ANKS1A: variants seen among roughly 807,000 people sequenced by gnomAD.
ANKS1A encodes the protein ankyrin repeat and sterile alpha motif domain containing 1A.
Under a neutral mutation model 120.3 loss-of-function variants are expected in ANKS1A, and 55 were observed. That is an observed-to-expected ratio of 0.46 (90% confidence interval 0.37 to 0.57). The LOEUF is 0.57. Among genes scored for constraint, ANKS1A ranks in the 20% least tolerant of loss-of-function variants. ANKS1A has a pLI of 0.00. For synonymous variants in ANKS1A, 590 were observed against 604.7 expected (o/e 0.98, Z 0.36); for missense variants, 1,123 against 1,480.3 (o/e 0.76, Z 3.96).
chr6:35,033,156 T>G (rs1330529528), intron 11 of ANKS1A, among the ~76,000 whole-genome samples: 2 of 152,250 alleles, frequency 1.3e-5, no homozygotes, highest in African/African-American at 4.8e-5. Flanking sequence ...AGAAATAGTT[T>G]GGACAGTTCT....
chr6:34,895,845 G>C (rs11963323), intron 1 of ANKS1A, among the ~76,000 whole-genome samples: 2 of 114,610 alleles, frequency 1.7e-5, no homozygotes, highest in East Asian at 7.4e-4. Flanking sequence ...GCTGGAGTGC[G>C]ATGGCACGAT....
chr6:34,930,724 A>G (rs988280203), intron 1 of ANKS1A, among the ~76,000 whole-genome samples: 4 of 152,014 alleles, frequency 2.6e-5, no homozygotes, highest in African/African-American at 9.7e-5. Flanking sequence ...GGAACGTTAT[A>G]TCTCCTAAGA....
At chr6:34,893,995 A>G (rs1766949550) in intron 1 of ANKS1A, among the ~76,000 whole-genome samples, 1 of 152,242 alleles carries the variant, frequency 6.6e-6, no homozygotes, top group East Asian at 1.9e-4. Flanking sequence ...GATAAGCAAT[A>G]GATTATCTAG....
At chr6:35,081,453 C>A (rs909163913) in intron 17 of ANKS1A, among the ~76,000 whole-genome samples, 1 of 152,204 alleles carries the variant, frequency 6.6e-6, no homozygotes, top group Non-Finnish European at 1.5e-5. Flanking sequence ...CGCTCTTTCT[C>A]TGTGGCCTCT....
At chr6:34,959,148 G>A (rs916605623) in intron 1 of ANKS1A, among the ~76,000 whole-genome samples, 3 of 152,190 alleles carry the variant, frequency 2.0e-5, no homozygotes, top group African/African-American at 7.2e-5. Flanking sequence ...CTGACCTCAC[G>A]CACATGAAAG....
chr6:35,088,647 CGTG>C lies in ANKS1A; in HGVS notation c.*40_*42del. ...CCACACTGTGCTGCGGAAACATAGA[CGTG>C]GGGGCATAGGCTCCCACTGCCACCA... On this transcript the variant is annotated 3_prime_UTR_variant, in exon 24 of 24. Transcript: ENST00000360359. The C allele has an allele frequency of 6.2e-7, 1 of 1,614,208 alleles. No individual in the cohort carries two copies. The highest frequency in any genetic ancestry group is 1.1e-5 in the South Asian group (1 of 91,084).
At chr6:34,977,479 C>G (rs1771663763) in intron 3 of ANKS1A, among the ~76,000 whole-genome samples, 1 of 151,670 alleles carries the variant, frequency 6.6e-6, no homozygotes, top group Admixed American at 6.6e-5. Context: ...CCACATAGAG[C>G]AGGAATCTTT....
At chr6:34,893,909 A>G (rs1766942109) in intron 1 of ANKS1A, among the ~76,000 whole-genome samples, 1 of 152,232 alleles carries the variant, frequency 6.6e-6, no homozygotes, top group Non-Finnish European at 1.5e-5. Flanking sequence ...TGTTCAATAT[A>G]GCTTGTTAGT....
chr6:35,064,951 C>T (rs1377934949), intron 13 of ANKS1A, among the ~76,000 whole-genome samples: 1 of 152,074 alleles, frequency 6.6e-6, no homozygotes, highest in African/African-American at 2.4e-5. Context: ...TGGATCCAGC[C>T]TCCTGGACTA....
intron 10 of ANKS1A, among the ~76,000 whole-genome samples, chr6:34,997,108 G>A (rs1201254480): frequency 6.6e-6 from 1 of 151,524 alleles, no homozygotes; most frequent in African/African-American, 2.4e-5. Context: ...AAAAAGTCCT[G>A]TTGGGATTTT....
At chr6:34,972,531 A>G (rs1771236205) in intron 3 of ANKS1A, 3 of 925,442 alleles carry the variant, frequency 3.2e-6, no homozygotes, top group Non-Finnish European at 3.9e-6. Context: ...TTGCTTTGAT[A>G]TATTTCATCC....
chr6:35,018,258 A>C (rs934162547), intron 11 of ANKS1A, among the ~76,000 whole-genome samples, 199 bp downstream of exon 11: 1 of 152,180 alleles, frequency 6.6e-6, no homozygotes, highest in Non-Finnish European at 1.5e-5. Context: ...ACAGGTCCTT[A>C]ATGGTTAAAT....
chr6:35,028,259 T>C (rs1441821828), intron 11 of ANKS1A, among the ~76,000 whole-genome samples: 2 of 152,218 alleles, frequency 1.3e-5, no homozygotes, highest in South Asian at 2.1e-4. Context: ...TTGGGCCCTC[T>C]GTACTGGGCC....
At chr6:35,071,597 G>T (rs750081468) in intron 13 of ANKS1A, among the ~76,000 whole-genome samples, 1 of 152,088 alleles carries the variant, frequency 6.6e-6, no homozygotes, top group African/African-American at 2.4e-5. Flanking sequence ...TGGCCTAGAG[G>T]GGGGGTCCAT....
At chr6:34,974,245 TC>T (rs1771418043) in intron 3 of ANKS1A, among the ~76,000 whole-genome samples, 1 of 20,950 alleles carries the variant, frequency 4.8e-5, no homozygotes, top group Non-Finnish European at 8.9e-5. Context: ...CCGTTCCCGT[TC>T]CCCTTCCCCT....
At position 35,090,388 on chromosome 6, in the gene ANKS1A, G is replaced by C; in HGVS notation, c.*1779G>C. 1 of 1,228,892 alleles carries C rather than the reference G, an allele frequency of 8.1e-7. No homozygotes were observed. The highest frequency in any genetic ancestry group is 1.0e-6 in the Non-Finnish European group (1 of 959,474). The allele number at this position is 1,228,892 out of a possible 1,614,324, so 76.1% of individuals were successfully genotyped here. On this transcript the variant is annotated 3_prime_UTR_variant, in exon 24 of 24. Coordinates refer to ENST00000360359, the MANE Select transcript of ANKS1A (RefSeq NM_015245.3). ...CTAAGGGGCCAGGCCACATCCAAGT[G>C]GGCCTCTGTCGGGGGCGGGGCGGTA...
At chr6:34,913,341 G>GT (rs770943363) in intron 1 of ANKS1A, among the ~76,000 whole-genome samples, 5 of 152,164 alleles carry the variant, frequency 3.3e-5, no homozygotes, top group Non-Finnish European at 7.4e-5. Context: ...TTGTTTGTTT[G>GT]TTTGTGACAG....
At chr6:34,954,778 T>C (rs1296537861) in intron 1 of ANKS1A, among the ~76,000 whole-genome samples, 1 of 152,246 alleles carries the variant, frequency 6.6e-6, no homozygotes, top group Non-Finnish European at 1.5e-5. Flanking sequence ...AGGCCGTTTG[T>C]GCACACCTGA....
At chr6:35,061,708 T>A (rs1776515982) in intron 13 of ANKS1A, among the ~76,000 whole-genome samples, 1 of 152,170 alleles carries the variant, frequency 6.6e-6, no homozygotes. Flanking sequence ...AAAATAGCAA[T>A]TTTTTTTCTT....
Sources: allele counts gnomAD v4.1 joint callset (sites outside exome capture counted in the v4.1 genomes callset), GRCh38; gene constraint gnomAD v4.1.1; transcripts MANE v1.5; gene names NCBI Gene and HGNC (gene_info 2026-07-23, HGNC 2026-07-21).